The following DENND1A variants were observed in gnomAD, a reference collection of about 807,000 sequenced individuals.
DENND1A encodes the protein DENN domain-containing protein 1A.
Under a neutral mutation model 113.7 loss-of-function variants are expected in DENND1A, and 51 were observed. The observed-to-expected ratio is 0.45, with a 90% CI of 0.36 to 0.57. The LOEUF (loss-of-function observed/expected upper bound fraction) is 0.57. Among genes scored for constraint, DENND1A ranks in the 20% least tolerant of loss-of-function variants. DENND1A has a pLI of 0.00. For missense variants in DENND1A, 1,258 were observed against 1,395.9 expected (o/e 0.90, Z 1.57); for synonymous variants, 565 against 570.8 (o/e 0.99, Z 0.14).
At chr9:123,599,771 C>A (rs989913447) in intron 11 of DENND1A, among the ~76,000 whole-genome samples, 1 of 152,166 alleles carries the variant, frequency 6.6e-6, no homozygotes. Context: ...CAGAAAATGC[C>A]GGATTTCGGC....
At chr9:123,534,279 A>G (rs7045048) in intron 13 of DENND1A, among the ~76,000 whole-genome samples, 25,265 of 152,062 alleles carry the variant, frequency 0.17, 2,212 homozygotes, top group Admixed American at 0.2. Flanking sequence ...TTTACCACAC[A>G]TGTATGTAGC....
At chr9:123,868,027 A>G (rs1466946392) in intron 2 of DENND1A, among the ~76,000 whole-genome samples, 1 of 152,210 alleles carries the variant, frequency 6.6e-6, no homozygotes, top group Non-Finnish European at 1.5e-5. Context: ...TAGAAAACCT[A>G]GATTCAGCAA....
At chr9:123,447,915 C>A (rs745658138) in intron 18 of DENND1A, among the ~76,000 whole-genome samples, 1 of 152,112 alleles carries the variant, frequency 6.6e-6, no homozygotes, top group Non-Finnish European at 1.5e-5. Flanking sequence ...TAGATGCGAA[C>A]AATGCTAGAG....
chr9:123,463,818 A>G (rs908384192), intron 13 of DENND1A, among the ~76,000 whole-genome samples: 2 of 151,814 alleles, frequency 1.3e-5, no homozygotes, highest in Non-Finnish European at 2.9e-5. Flanking sequence ...CTGAGGCAGG[A>G]GAATCACTTG....
intron 13 of DENND1A, among the ~76,000 whole-genome samples, chr9:123,551,996 AGAGAGCGAGAGAGAGC>A (rs1338643409): frequency 9.5e-5 from 14 of 146,810 alleles, no homozygotes; most frequent in Admixed American, 8.1e-4. Flanking sequence ...AGAGAGCGAG[AGAGAGCGAGAGAGAGC>A]GAGAGCGAGA....
At chr9:123,916,047 T>C (rs1344783399) in intron 1 of DENND1A, among the ~76,000 whole-genome samples, 3 of 151,968 alleles carry the variant, frequency 2.0e-5, no homozygotes, top group Non-Finnish European at 2.9e-5. Context: ...ATCGCAATGG[T>C]ATAATGGTAA....
chr9:123,729,342 T>C (rs2067988533), intron 5 of DENND1A, among the ~76,000 whole-genome samples: 1 of 152,228 alleles, frequency 6.6e-6, no homozygotes, highest in South Asian at 2.1e-4. Context: ...GCAGATGACA[T>C]GATTGTATAT....
At chr9:123,632,552 C>T (rs1193037967) in intron 9 of DENND1A, among the ~76,000 whole-genome samples, 1 of 152,064 alleles carries the variant, frequency 6.6e-6, no homozygotes, top group Non-Finnish European at 1.5e-5. Flanking sequence ...GCTCTTTCTG[C>T]TCATCTTTAA....
At chr9:123,867,784 T>C (rs1845989084) in intron 2 of DENND1A, among the ~76,000 whole-genome samples, 1 of 152,168 alleles carries the variant, frequency 6.6e-6, no homozygotes. Context: ...GTCATGGTTA[T>C]TGGTTCATGA....
At chr9:123,766,132 C>T (rs1828768939) in intron 4 of DENND1A, among the ~76,000 whole-genome samples, 1 of 152,182 alleles carries the variant, frequency 6.6e-6, no homozygotes, top group South Asian at 2.1e-4. Context: ...TCTAGGCTCA[C>T]TCGGGGCTTC....
At chr9:123,541,275 T>C (rs1465142022) in intron 13 of DENND1A, among the ~76,000 whole-genome samples, 1 of 152,194 alleles carries the variant, frequency 6.6e-6, no homozygotes, top group Admixed American at 6.5e-5. Flanking sequence ...ACTGTGTACA[T>C]TTAACCAAGA....
At chr9:123,465,715 C>CTGTTAAATATA (rs1227499644) in intron 13 of DENND1A, among the ~76,000 whole-genome samples, 2 of 152,030 alleles carry the variant, frequency 1.3e-5, no homozygotes, top group Non-Finnish European at 2.9e-5. Context: ...ATAGAAGTGC[C>CTGTTAAATATA]GAACTAAAAT....
intron 13 of DENND1A, among the ~76,000 whole-genome samples, chr9:123,505,600 C>A (rs989905606): frequency 6.6e-6 from 1 of 152,132 alleles, no homozygotes; most frequent in African/African-American, 2.4e-5. Flanking sequence ...TCTGTCAGGA[C>A]AGAATGGAAT....
intron 12 of DENND1A, among the ~76,000 whole-genome samples, chr9:123,570,530 G>T (rs974425413): frequency 2.0e-5 from 3 of 152,128 alleles, no homozygotes; most frequent in Non-Finnish European, 1.5e-5. Context: ...CTGGAGAAGT[G>T]GGGGCAAGAC....
chr9:123,924,131 T>G (rs562500520), intron 1 of DENND1A, among the ~76,000 whole-genome samples: 1 of 152,168 alleles, frequency 6.6e-6, no homozygotes, highest in Admixed American at 6.5e-5. Context: ...CATGGATAAA[T>G]CTTGAAATCA....
At chr9:123,783,859 C>T (rs984134192) in intron 3 of DENND1A, among the ~76,000 whole-genome samples, 14 of 152,204 alleles carry the variant, frequency 9.2e-5, no homozygotes, top group Non-Finnish European at 1.9e-4. Context: ...GCCATTTCTA[C>T]ATTTGAAGCG....
Position 123,552,016 on chromosome 9 carries a change from AGC to A in DENND1A, c.993+5552_993+5553del, listed in dbSNP as rs374683970. Among the ~76,000 whole-genome samples the A allele has an allele frequency of 1.8e-3, 248 of 137,954 alleles. 3 individuals carry two copies. The highest frequency in any genetic ancestry group is 5.4e-3 in the African/African-American group (174 of 32,450). The allele number at this position is 137,954 out of a possible 152,430, so 90.5% of individuals were successfully genotyped here. A position where few individuals can be genotyped will look rare whatever the true frequency, so the allele number is the denominator to read the frequency against. ...GCGAGAGAGAGCGAGAGAGAGCGAG[AGC>A]GAGAGAGAGAGAGAGAGAGACAGAG... On this transcript the variant is annotated intron_variant, in intron 13 of 23. Coordinates refer to ENST00000394215, the MANE Select transcript of DENND1A (RefSeq NM_001352964.2).
chr9:123,518,854 T>A (rs2054154701), intron 13 of DENND1A, among the ~76,000 whole-genome samples: 1 of 152,156 alleles, frequency 6.6e-6, no homozygotes, highest in South Asian at 2.1e-4. Context: ...TTTTAACAAA[T>A]ATAAAATTAA....
At chr9:123,839,732 T>G (rs959452954) in intron 2 of DENND1A, among the ~76,000 whole-genome samples, 2 of 152,236 alleles carry the variant, frequency 1.3e-5, no homozygotes, top group Non-Finnish European at 2.9e-5. Context: ...TTACAGCAGA[T>G]TCCCTCATTC....
Sources: allele counts gnomAD v4.1 joint callset (sites outside exome capture counted in the v4.1 genomes callset), GRCh38; gene constraint gnomAD v4.1.1; transcripts MANE v1.5; gene names NCBI Gene and HGNC (gene_info 2026-07-23, HGNC 2026-07-21).